Variants in RPS6KA2 observed in about 807,000 individuals in gnomAD.
The protein encoded by RPS6KA2 is ribosomal protein S6 kinase alpha-2.
In RPS6KA2, 42 loss-of-function variants were observed where a neutral mutation model predicts 91.8. That is an observed-to-expected ratio of 0.46 (90% confidence interval 0.36 to 0.59). The LOEUF (loss-of-function observed/expected upper bound fraction) is 0.59, where lower values mean the gene tolerates loss of function less well. RPS6KA2 is among the 20% of genes least tolerant of loss of function. The pLI, the probability that RPS6KA2 is intolerant of heterozygous loss-of-function variation, is 0.00. For missense variants in RPS6KA2, 798 were observed against 978.5 expected, an observed-to-expected ratio of 0.82 and a Z score of 2.46; for synonymous variants, 414 against 393.6, an observed-to-expected ratio of 1.05 and a Z score of -0.61.
At chr6:166,542,681 AGCAGCT>A (rs1316318648) in intron 1 of RPS6KA2, among the ~76,000 whole-genome samples, 1 of 152,210 alleles carries the variant, frequency 6.6e-6, no homozygotes. Context: ...CAGGTATTTC[AGCAGCT>A]GCTGGGAGCG....
intron 8 of RPS6KA2, among the ~76,000 whole-genome samples, chr6:166,492,279 C>A (rs540387782): frequency 1.3e-5 from 2 of 151,726 alleles, no homozygotes; most frequent in East Asian, 3.9e-4. Flanking sequence ...AGGCTGCAGG[C>A]AATCAATCAA....
Position 166,418,462 on chromosome 6 carries a change from G to T in RPS6KA2, c.1821-120C>A. ...ATAGCACTTTGCTTCTCCCTCCTCTGCTCTGAAGCCAGGATTCATGGGAAA... is the reference window on the plus strand; with the variant it reads ...ATAGCACTTTGCTTCTCCCTCCTCTTCTCTGAAGCCAGGATTCATGGGAAA... On this transcript the variant is annotated intron_variant, in intron 18 of 20. Transcript: ENST00000265678. The surrounding 1 kb of genome is among the most constrained non-coding windows in gnomAD (Gnocchi z 4.9). The T allele has an allele frequency of 1.3e-6, 1 of 749,524 alleles. No individual in the cohort carries two copies. The highest frequency in any genetic ancestry group is 2.3e-6 in the Non-Finnish European group (1 of 427,972). The allele number at this position is 749,524 out of a possible 1,614,324, so 46.4% of individuals were successfully genotyped here.
chr6:166,583,004 T>C (rs1309930254), intron 1 of RPS6KA2, among the ~76,000 whole-genome samples: 2 of 152,254 alleles, frequency 1.3e-5, no homozygotes, highest in Non-Finnish European at 2.9e-5. Context: ...TCACTTTGTC[T>C]TGACTTGGTC....
In RPS6KA2 at chr6:166,814,271, A is replaced by T. The variant is rs113584334; in HGVS notation, c.123+43929T>A. Among the ~76,000 whole-genome samples, 1,382 of 152,372 alleles carry T rather than the reference A, an allele frequency of 9.1e-3. 23 individuals carry two copies. Among genetic ancestry groups the T allele is most frequent in the African/African-American group, 0.032 (1,318 of 41,586 alleles). ...GTAAATAACAAAGACAAAATATTTT[A>T]AAAATCTAATTTAAAAATCATATGA... On this transcript the variant is annotated intron_variant, in intron 2 of 21. Coordinates refer to the RPS6KA2 transcript ENST00000503859.
chr6:166,450,261 AG>A (rs1282096787), intron 13 of RPS6KA2, among the ~76,000 whole-genome samples: 58 of 144,940 alleles, frequency 4.0e-4, no homozygotes, highest in Non-Finnish European at 5.9e-4. Context: ...GGACCACCAT[AG>A]GAGACCATCA....
intron 7 of RPS6KA2, among the ~76,000 whole-genome samples, chr6:166,499,139 C>T (rs960281905): frequency 2.6e-5 from 4 of 152,124 alleles, no homozygotes; most frequent in African/African-American, 7.2e-5. Flanking sequence ...CACAGACAGG[C>T]GGAGGAGGCC....
intron 2 of RPS6KA2, among the ~76,000 whole-genome samples, chr6:166,854,432 T>C (rs1231073866): frequency 6.6e-6 from 1 of 152,224 alleles, no homozygotes; most frequent in African/African-American, 2.4e-5. Context: ...TACTCACAAG[T>C]TGGAGTGATC....
intron 2 of RPS6KA2, among the ~76,000 whole-genome samples, chr6:166,755,431 C>T (rs1346147290): frequency 1.3e-5 from 2 of 151,982 alleles, no homozygotes; most frequent in Admixed American, 6.6e-5. Flanking sequence ...TTACAGGGCT[C>T]GGAACAGAAA....
intron 2 of RPS6KA2, chr6:166,702,074 C>T (rs557314207): frequency 2.3e-6 from 3 of 1,309,950 alleles, no homozygotes; most frequent in African/African-American, 1.4e-5. Flanking sequence ...CGCAGAGGTG[C>T]CTTCAGGAGT....
Position 166,626,544 on chromosome 6 carries a change from G to T in RPS6KA2, c.99+377C>A, listed in dbSNP as rs756364740. On this transcript the variant is annotated intron_variant, in intron 1 of 20. Coordinates refer to ENST00000265678, the MANE Select transcript of RPS6KA2 (RefSeq NM_021135.6). This position sits in a 1 kb window ranked among gnomAD's most constrained non-coding sequence, Gnocchi z 4.1. ...GGAGCTGGGGGGCTTCTCCACTCGG[G>T]ACTTTGAGGGACCCCCGCGGAGCGC... Among the ~76,000 whole-genome samples the T allele has an allele frequency of 2.0e-5, 3 of 152,202 alleles. No homozygotes were observed. The highest frequency in any genetic ancestry group is 2.0e-4 in the Admixed American group (3 of 15,294).
chr6:166,792,273 G>C (rs990434326), intron 2 of RPS6KA2, among the ~76,000 whole-genome samples: 2 of 152,118 alleles, frequency 1.3e-5, no homozygotes, highest in African/African-American at 2.4e-5. Context: ...ATAAATTCCT[G>C]GACACATACA....
chr6:166,512,640 G>C (rs1419472721), intron 3 of RPS6KA2, among the ~76,000 whole-genome samples: 2 of 152,118 alleles, frequency 1.3e-5, no homozygotes, highest in African/African-American at 4.8e-5. Flanking sequence ...GTCTCCGGGG[G>C]CCCAGGTGGT....
chr6:166,501,548 T>C (rs746408313), intron 6 of RPS6KA2, among the ~76,000 whole-genome samples: 9 of 152,218 alleles, frequency 5.9e-5, no homozygotes, highest in Non-Finnish European at 1.2e-4. Context: ...GCCAAGCCCT[T>C]GTCACGCCAT....
At chr6:166,862,243 C>G (rs912166068) in exon 1 of RPS6KA2, 7 of 1,608,550 alleles carry the variant, frequency 4.4e-6, no homozygotes, top group South Asian at 1.1e-5. Context: ...CGGACCGGCA[C>G]AGGGGGACGG....
chr6:166,520,301 A>G (rs542397876), intron 3 of RPS6KA2, among the ~76,000 whole-genome samples: 1 of 152,008 alleles, frequency 6.6e-6, no homozygotes, highest in African/African-American at 2.4e-5. Flanking sequence ...CTTCGAATTC[A>G]GACTGGAACT....
chr6:166,472,952 G>A (rs1485424744), intron 10 of RPS6KA2, among the ~76,000 whole-genome samples: 1 of 152,106 alleles, frequency 6.6e-6, no homozygotes, highest in Admixed American at 6.5e-5. Context: ...TTAATGCAGG[G>A]CAAATAGGAG....
intron 3 of RPS6KA2, among the ~76,000 whole-genome samples, chr6:166,517,066 T>A (rs914145108): frequency 7.9e-5 from 12 of 152,002 alleles, no homozygotes; most frequent in Non-Finnish European, 1.8e-4. Context: ...AAGATAGATG[T>A]CTTATATTCA....
At chr6:166,523,165 T>C (rs1455077169) in intron 3 of RPS6KA2, among the ~76,000 whole-genome samples, 1 of 152,184 alleles carries the variant, frequency 6.6e-6, no homozygotes, top group Non-Finnish European at 1.5e-5. Flanking sequence ...GTATCTGTAA[T>C]AAATCAGATG....
At chr6:166,566,645 C>T (rs1025863347) in intron 1 of RPS6KA2, among the ~76,000 whole-genome samples, 2 of 152,214 alleles carry the variant, frequency 1.3e-5, no homozygotes, top group Non-Finnish European at 2.9e-5. Flanking sequence ...ATGGGTCTCT[C>T]ACACCTCCCC....
Sources: allele counts gnomAD v4.1 joint callset (sites outside exome capture counted in the v4.1 genomes callset), GRCh38; gene constraint gnomAD v4.1.1; non-coding constraint Gnocchi (gnomAD v3.1); transcripts MANE v1.5; gene names NCBI Gene and HGNC (gene_info 2026-07-23, HGNC 2026-07-21).